SORCS2: variants seen among roughly 807,000 people sequenced by gnomAD.
The protein encoded by SORCS2 is sortilin related VPS10 domain containing receptor 2.
A neutral mutation model predicts 141.6 loss-of-function variants in SORCS2; 100 were observed. That is an observed-to-expected ratio of 0.71 (90% CI 0.60 to 0.83). The LOEUF is 0.83. Ranked by LOEUF, SORCS2 falls within the 40% of genes least tolerant of loss-of-function variation. The pLI is 0.00. For synonymous variants in SORCS2, 789 were observed against 676.9 expected, an observed-to-expected ratio of 1.17 and a Z score of -2.57; for missense variants, 1,646 against 1,560.2, an observed-to-expected ratio of 1.05 and a Z score of -0.93.
At chr4:7,263,454 G>A (rs1162727422) in intron 1 of SORCS2, among the ~76,000 whole-genome samples, 2 of 152,224 alleles carry the variant, frequency 1.3e-5, no homozygotes, top group South Asian at 2.1e-4. Context: ...GACGCTGGCC[G>A]GGTGTTCATC....
chr4:7,382,244 A>G (rs1723035979), intron 1 of SORCS2, among the ~76,000 whole-genome samples: 1 of 152,178 alleles, frequency 6.6e-6, no homozygotes, highest in Non-Finnish European at 1.5e-5. Flanking sequence ...GGTCTTGACC[A>G]CAGGGATGGG....
At chr4:7,248,045 G>A (rs28429136) in intron 1 of SORCS2, among the ~76,000 whole-genome samples, 15,592 of 152,248 alleles carry the variant, frequency 0.1, 1,131 homozygotes, top group African/African-American at 0.21. Flanking sequence ...CCACCTGAGA[G>A]CCGAGCCCCA....
chr4:7,565,826 GTGATGATGATGGTGATGGTGATGA>G (rs1163036553), intron 3 of SORCS2, among the ~76,000 whole-genome samples: 1 of 118,906 alleles, frequency 8.4e-6, no homozygotes, highest in Non-Finnish European at 1.9e-5. Flanking sequence ...GATGGCAATG[GTGATGATGATGGTGATGGTGATGA>G]TGGTGATGAT....
chr4:7,588,981 G>A (rs1475730725), intron 3 of SORCS2, among the ~76,000 whole-genome samples: 2 of 152,238 alleles, frequency 1.3e-5, no homozygotes, highest in Admixed American at 6.5e-5. Context: ...AAATGGATAT[G>A]GGCTGCGGGC....
rs145725639 is a variant in SORCS2 at position 7,649,968 on chromosome 4, C to G, written c.814-4166C>G. ...CCCTCAGAGCCAGCAGATGTGGCCT[C>G]TGATCCTGGCGGCTATTAGTGTGAA... On this transcript the variant is annotated intron_variant, in intron 4 of 26. Transcript: ENST00000507866. 3.6e-3 allele frequency among the ~76,000 whole-genome samples: 543 copies of G among 152,290 alleles called. 6 individuals are homozygous for G. Among genetic ancestry groups the G allele is most frequent in the African/African-American group, 0.012 (495 of 41,544 alleles).
intron 2 of SORCS2, among the ~76,000 whole-genome samples, chr4:7,403,997 A>ATATATATGTATATATATATAT (rs1265288820): frequency 5.3e-5 from 1 of 19,006 alleles, no homozygotes; most frequent in African/African-American, 1.5e-4. Flanking sequence ...ATATATATAT[A>ATATATATGTATATATATATAT]TTTTTTTTTT....
chr4:7,402,206 G>C (rs1383526350), intron 2 of SORCS2, among the ~76,000 whole-genome samples: 2 of 152,132 alleles, frequency 1.3e-5, no homozygotes, highest in Non-Finnish European at 2.9e-5. Context: ...GTTTGGAATT[G>C]CTCTCTCTCA....
At chr4:7,326,790 C>T (rs189480254) in intron 1 of SORCS2, among the ~76,000 whole-genome samples, 253 of 151,380 alleles carry the variant, frequency 1.7e-3, no homozygotes, top group African/African-American at 5.7e-3. Context: ...GCCAAGCTTC[C>T]GCAGGCCCAG....
intron 20 of SORCS2, among the ~76,000 whole-genome samples, chr4:7,725,868 C>T (rs1342484450): frequency 1.3e-5 from 2 of 152,238 alleles, no homozygotes; most frequent in African/African-American, 2.4e-5. Flanking sequence ...AGCTGACGGC[C>T]CTGACACAGA....
intron 1 of SORCS2, among the ~76,000 whole-genome samples, chr4:7,311,460 G>A (rs925822516): frequency 1.3e-5 from 2 of 152,110 alleles, no homozygotes; most frequent in African/African-American, 4.8e-5. Flanking sequence ...AATCATCTCC[G>A]GGATATGTTT....
At chr4:7,343,113 C>T (rs558511350) in intron 1 of SORCS2, among the ~76,000 whole-genome samples, 11 of 152,330 alleles carry the variant, frequency 7.2e-5, no homozygotes, top group East Asian at 3.9e-4. Flanking sequence ...CTTCCGGGCA[C>T]GGCAACAGGA....
intron 1 of SORCS2, among the ~76,000 whole-genome samples, chr4:7,230,657 T>C (rs1711797268): frequency 8.2e-6 from 1 of 121,364 alleles, no homozygotes; most frequent in Non-Finnish European, 1.8e-5. Flanking sequence ...ATGAAGGAGA[T>C]GAAGATGGTC....
chr4:7,730,700 C>T (rs1175884638), intron 23 of SORCS2, among the ~76,000 whole-genome samples: 1 of 152,122 alleles, frequency 6.6e-6, no homozygotes, highest in African/African-American at 2.4e-5. Context: ...TCCATGGAGA[C>T]AGAAATAGAT....
At chr4:7,660,323 C>T (rs947026799) in intron 5 of SORCS2, among the ~76,000 whole-genome samples, 8 of 152,192 alleles carry the variant, frequency 5.3e-5, no homozygotes, top group Non-Finnish European at 1.0e-4. Flanking sequence ...GCCTGAGTGT[C>T]CTGACCCAGG....
intron 2 of SORCS2, among the ~76,000 whole-genome samples, chr4:7,509,480 C>T (rs1003691239): frequency 6.6e-6 from 1 of 152,126 alleles, no homozygotes. Flanking sequence ...ACAGCCAGGA[C>T]GCATGTGTTG....
chr4:7,213,734 T>G (rs1362944015), intron 1 of SORCS2, among the ~76,000 whole-genome samples: 1 of 152,132 alleles, frequency 6.6e-6, no homozygotes. Flanking sequence ...CAGAGCTGGG[T>G]CTAGAGCCAG....
At chr4:7,539,689 A>ATGGAGGCCCCGCCCCTTCCTGCTG (rs1438032627) in intron 3 of SORCS2, among the ~76,000 whole-genome samples, 12 of 150,896 alleles carry the variant, frequency 8.0e-5, no homozygotes, top group Non-Finnish European at 1.6e-4. Context: ...GACCCCCGTT[A>ATGGAGGCCCCGCCCCTTCCTGCTG]TGGAGGCCCC....
chr4:7,505,822 G>A (rs1032044086), intron 2 of SORCS2, among the ~76,000 whole-genome samples: 7 of 152,230 alleles, frequency 4.6e-5, no homozygotes, highest in South Asian at 4.1e-4. Flanking sequence ...CCCGTAGGAC[G>A]AATGGGGATA....
chr4:7,381,047 A>C (rs1022380750), intron 1 of SORCS2, among the ~76,000 whole-genome samples: 2 of 139,796 alleles, frequency 1.4e-5, no homozygotes, highest in African/African-American at 5.4e-5. Flanking sequence ...GCGCCACTGC[A>C]CTCCAGCCTG....
Sources: allele counts gnomAD v4.1 joint callset (sites outside exome capture counted in the v4.1 genomes callset), GRCh38; gene constraint gnomAD v4.1.1; transcripts MANE v1.5; gene names NCBI Gene and HGNC (gene_info 2026-07-23, HGNC 2026-07-21).